Variants in CCDC63 observed in about 807,000 individuals in gnomAD.
The protein encoded by CCDC63 is coiled-coil domain-containing protein 63.
A neutral mutation model predicts 63.6 loss-of-function variants in CCDC63; 54 were observed. That is an observed-to-expected ratio of 0.85 (90% CI 0.68 to 1.07). The LOEUF (loss-of-function observed/expected upper bound fraction) is 1.07. Ranked by LOEUF, CCDC63 falls within the 50% of genes least tolerant of loss-of-function variation. The probability of loss-of-function intolerance (pLI) is 0.00; values close to 1 mark genes in which losing one functional copy is unlikely to be tolerated. For synonymous variants in CCDC63, 253 were observed against 266.1 expected (o/e 0.95, Z 0.48); for missense variants, 637 against 689.6 (o/e 0.92, Z 0.86).
At chr12:110,901,385 A>G (rs2071485069) in intron 10 of CCDC63, among the ~76,000 whole-genome samples, 1 of 151,940 alleles carries the variant, frequency 6.6e-6, no homozygotes, top group Non-Finnish European at 1.5e-5. Flanking sequence ...TATTTTATCT[A>G]TTTATTTATT....
intron 4 of CCDC63, among the ~76,000 whole-genome samples, chr12:110,867,524 G>A (rs1314461614): frequency 1.6e-5 from 2 of 126,674 alleles, no homozygotes; most frequent in South Asian, 2.6e-4. Flanking sequence ...GCCGGGCGGG[G>A]GGCTGACCCC....
intron 4 of CCDC63, among the ~76,000 whole-genome samples, chr12:110,859,859 C>T (rs1192062333): frequency 6.6e-6 from 1 of 152,046 alleles, no homozygotes; most frequent in African/African-American, 2.4e-5. Flanking sequence ...CTAGCCCCTG[C>T]CTACCCCTTG....
chr12:110,868,268 G>T (rs2136673913), intron 4 of CCDC63, among the ~76,000 whole-genome samples: 1 of 129,422 alleles, frequency 7.7e-6, no homozygotes, highest in South Asian at 2.4e-4. Context: ...AGGCAGAGGG[G>T]CTCCTCACAT....
chr12:110,861,613 C>T (rs889833654), intron 4 of CCDC63, among the ~76,000 whole-genome samples: 2 of 152,086 alleles, frequency 1.3e-5, no homozygotes, highest in Admixed American at 6.6e-5. Context: ...ACTCTGTCAC[C>T]CAGGCTGGAG....
chr12:110,877,641 C>G lies in CCDC63; in HGVS notation c.490-2265C>G, dbSNP rs187119937. Among the ~76,000 whole-genome samples, 277 of 152,054 alleles carry G rather than the reference C, an allele frequency of 1.8e-3. 3 individuals carry two copies. Among genetic ancestry groups the G allele is most frequent in the Non-Finnish European group, 6.5e-4 (44 of 67,982 alleles). ...CTCCATCTCCCTGCTCCCTTTCCCC[C>G]TCACCCCCTCTGCCCTGGTAACCAC... On this transcript the variant is annotated intron_variant, in intron 5 of 11. Coordinates refer to ENST00000308208, the MANE Select transcript of CCDC63 (RefSeq NM_152591.3).
intron 5 of CCDC63, among the ~76,000 whole-genome samples, chr12:110,876,246 A>G (rs2071128777): frequency 8.0e-6 from 1 of 125,688 alleles, no homozygotes; most frequent in Non-Finnish European, 1.7e-5. Flanking sequence ...TCCCCCCCAC[A>G]ATCAGAGGAT....
chr12:110,896,996 G>A (rs547179161), intron 9 of CCDC63, among the ~76,000 whole-genome samples: 3 of 152,326 alleles, frequency 2.0e-5, no homozygotes, highest in East Asian at 3.9e-4. Flanking sequence ...TGCTTGTCCT[G>A]GGACCACACT....
chr12:110,906,662 G>A (rs748206033), intron 11 of CCDC63, among the ~76,000 whole-genome samples: 2 of 151,694 alleles, frequency 1.3e-5, no homozygotes, highest in Non-Finnish European at 2.9e-5. Flanking sequence ...CACAACACAT[G>A]CACACACACA....
Position 110,907,311 on chromosome 12 carries a change from C to G in CCDC63, c.1547-20C>G. ...GGGGTTGATTTCCCAGCACCTCACA[C>G]AAATCTGATCTTGGTGCAGTGGAAC... On this transcript the variant is annotated intron_variant, in intron 11 of 11. Transcript: ENST00000308208. The surrounding 1 kb of genome is among the most constrained non-coding windows in gnomAD (Gnocchi z 4.4). 1 of 1,609,944 alleles carries G rather than the reference C, an allele frequency of 6.2e-7. No individual in the cohort carries two copies. Among genetic ancestry groups the G allele is most frequent in the Non-Finnish European group, 8.5e-7 (1 of 1,178,108 alleles).
rs780414956 is a variant in CCDC63 at position 110,873,950 on chromosome 12, C to T, written c.478C>T (p.Arg160Cys). The T allele has an allele frequency of 1.1e-5, 18 of 1,610,738 alleles. 1 individual carries two copies. The highest frequency in any genetic ancestry group is 1.7e-5 in the Admixed American group (1 of 59,460). Reference protein sequence around the residue: ...LQKQIHILETRLNLVTVHFDK... With the variant: ...LQKQIHILETCLNLVTVHFDK... ...GAAACAGATTCACATTTTGGAAACC[C>T]GTTTGAATCTCGTATGTAAAGTGTT... Residue 160 changes from arginine to cysteine, a missense_variant, in exon 5 of 12, where the codon CGT becomes TGT. Transcript: ENST00000308208.
At chr12:110,864,809 A>G (rs1005164323) in intron 4 of CCDC63, among the ~76,000 whole-genome samples, 31 of 152,174 alleles carry the variant, frequency 2.0e-4, no homozygotes, top group African/African-American at 7.2e-4. Context: ...CTGATAGATG[A>G]CTGGTAATAA....
intron 3 of CCDC63, among the ~76,000 whole-genome samples, chr12:110,857,460 C>T (rs1053461722): frequency 1.3e-5 from 2 of 152,114 alleles, no homozygotes; most frequent in African/African-American, 4.8e-5. Flanking sequence ...AGCAGTGTGT[C>T]CAAAACTTTT....
chr12:110,857,988 C>T (rs976114459), intron 3 of CCDC63, among the ~76,000 whole-genome samples: 7 of 152,078 alleles, frequency 4.6e-5, no homozygotes, highest in Admixed American at 3.9e-4. Flanking sequence ...TGGCTGTAGT[C>T]CCAGCTACTC....
chr12:110,853,259 C>G, intron 2 of CCDC63, 146 bp from the exon 3 acceptor site: 2 of 801,996 alleles, frequency 2.5e-6, no homozygotes, highest in Non-Finnish European at 3.9e-6. Flanking sequence ...ATGTAATAGA[C>G]AAGCAGCTGA....
At chr12:110,896,910 G>C (rs1470452904) in intron 9 of CCDC63, among the ~76,000 whole-genome samples, 1 of 152,146 alleles carries the variant, frequency 6.6e-6, no homozygotes, top group Non-Finnish European at 1.5e-5. Flanking sequence ...TCCACCCCCA[G>C]GGCCTTTGAC....
At chr12:110,881,431 T>C in intron 7 of CCDC63, 135 bp downstream of exon 7, 1 of 905,808 alleles carries the variant, frequency 1.1e-6, no homozygotes, top group East Asian at 2.8e-5. Context: ...ATAAGATGCC[T>C]AGTTAAGGTT....
intron 4 of CCDC63, among the ~76,000 whole-genome samples, chr12:110,872,727 G>C (rs2071082695): frequency 6.6e-6 from 1 of 152,124 alleles, no homozygotes; most frequent in African/African-American, 2.4e-5. Context: ...CTAGGCTCAA[G>C]TTATCCTCCT....
Position 110,878,579 on chromosome 12 carries a change from T to G in CCDC63, c.490-1327T>G, listed in dbSNP as rs182712717. Among the ~76,000 whole-genome samples, 26 of 152,352 alleles carry G rather than the reference T, an allele frequency of 1.7e-4. No homozygotes were observed. The East Asian group carries it at 5.0e-3, about 29-fold the overall frequency. On this transcript the variant is annotated intron_variant, in intron 5 of 11. Transcript: ENST00000308208. ...ATCCACCCGCCTTGGCCTCCCAAAG[T>G]GCTGGGATTACAGGTGTGAGCCACT...
chr12:110,880,685 A>ATAG (rs1191306415), intron 6 of CCDC63, among the ~76,000 whole-genome samples: 1 of 380 alleles, frequency 2.6e-3, no homozygotes, highest in African/African-American at 9.3e-3. Context: ...GGTGACGATA[A>ATAG]TGATGGTAAT....
Sources: allele counts gnomAD v4.1 joint callset (sites outside exome capture counted in the v4.1 genomes callset), GRCh38; gene constraint gnomAD v4.1.1; non-coding constraint Gnocchi (gnomAD v3.1); transcripts MANE v1.5; gene names NCBI Gene and HGNC (gene_info 2026-07-23, HGNC 2026-07-21).